The following PLD1 variants were observed in gnomAD, a reference collection of about 807,000 sequenced individuals.
PLD1 encodes choline phosphatase 1.
PLD1 carries 112 observed loss-of-function variants against 137.1 expected under a neutral mutation model. The observed-to-expected ratio is 0.82, with a 90% confidence interval of 0.70 to 0.96. The LOEUF is 0.96. Ranked by LOEUF, PLD1 falls within the 40% of genes least tolerant of loss-of-function variation. The probability of loss-of-function intolerance (pLI) is 0.00; values close to 1 mark genes in which losing one functional copy is unlikely to be tolerated. For missense variants in PLD1, 1,321 were observed against 1,342.0 expected (o/e 0.98, Z 0.24); for synonymous variants, 431 against 454.7 (o/e 0.95, Z 0.66).
intron 12 of PLD1, among the ~76,000 whole-genome samples, chr3:171,695,726 A>G (rs1174904918): frequency 1.3e-5 from 2 of 152,166 alleles, no homozygotes; most frequent in Admixed American, 6.5e-5. Flanking sequence ...CTGCCTGAAG[A>G]CAGTTTAGCC....
intron 3 of PLD1, 92 bp downstream of exon 3, chr3:171,737,440 G>A: frequency 9.2e-7 from 1 of 1,087,396 alleles, no homozygotes. Context: ...CTACAAACAT[G>A]ATCATAGCTA....
At chr3:171,779,079 C>T (rs1722688515) in intron 1 of PLD1, among the ~76,000 whole-genome samples, 1 of 152,274 alleles carries the variant, frequency 6.6e-6, no homozygotes, top group Middle Eastern at 3.4e-3. Flanking sequence ...ATCCCAGCTA[C>T]TCAGGAGGCT....
chr3:171,715,486 TG>T (rs1345511837), intron 8 of PLD1, among the ~76,000 whole-genome samples: 1 of 152,208 alleles, frequency 6.6e-6, no homozygotes, highest in Non-Finnish European at 1.5e-5. Context: ...ATTTTAGGAT[TG>T]TTTTTTCTAT....
At chr3:171,747,174 A>C (rs1009265682) in intron 1 of PLD1, among the ~76,000 whole-genome samples, 4 of 152,176 alleles carry the variant, frequency 2.6e-5, no homozygotes, top group African/African-American at 9.7e-5. Context: ...AACTCCGGAC[A>C]CACCATCTTT....
intron 6 of PLD1, among the ~76,000 whole-genome samples, chr3:171,730,256 AT>A (rs1049868970): frequency 3.3e-5 from 5 of 152,074 alleles, no homozygotes; most frequent in African/African-American, 4.8e-5. Flanking sequence ...AGATATTGCT[AT>A]TTTTTTACAT....
rs371080467 is a variant in PLD1, at chr3:171,609,507, AACACACACACACACAC to A, written c.2882+2756_2882+2771del. Among the ~76,000 whole-genome samples, 658 of 136,958 alleles carry A rather than the reference AACACACACACACACAC, an allele frequency of 4.8e-3. 2 individuals are homozygous for A. The highest frequency in any genetic ancestry group is 0.018 in the Middle Eastern group (5 of 280). 89.8% of individuals were successfully genotyped at this position (136,958 alleles called of 152,430 possible). On this transcript the variant is annotated intron_variant, in intron 25 of 26. Coordinates refer to ENST00000351298, the MANE Select transcript of PLD1 (RefSeq NM_002662.5). ...CCTGAGCAGACAATTACATAAAGAA[AACACACACACACACAC>A]ACACACACACACACACACACACACA...
At chr3:171,704,469 A>AAAAAAAAC (rs1716513075) in intron 11 of PLD1, among the ~76,000 whole-genome samples, 1 of 150,412 alleles carries the variant, frequency 6.6e-6, no homozygotes, top group Non-Finnish European at 1.5e-5. Flanking sequence ...AAAAAAAAAA[A>AAAAAAAAC]AAAAAAAACC....
intron 21 of PLD1, among the ~76,000 whole-genome samples, chr3:171,651,248 CT>C (rs1361580471): frequency 6.6e-6 from 1 of 152,056 alleles, no homozygotes; most frequent in African/African-American, 2.4e-5. Context: ...TCAAGAGCTG[CT>C]ATAAATCGTC....
intron 8 of PLD1, among the ~76,000 whole-genome samples, chr3:171,722,724 A>G (rs1718221412): frequency 6.6e-6 from 1 of 152,160 alleles, no homozygotes; most frequent in Admixed American, 6.5e-5. Context: ...TACCTTTTAA[A>G]AGTTCACAAT....
At chr3:171,686,607 A>G (rs773553140) in intron 16 of PLD1, 78 bp downstream of exon 16, 14 of 752,796 alleles carry the variant, frequency 1.9e-5, no homozygotes, top group Non-Finnish European at 2.9e-5. Flanking sequence ...CTGGAAACAC[A>G]TTCACTATGC....
intron 11 of PLD1, among the ~76,000 whole-genome samples, chr3:171,701,822 G>A (rs531849157): frequency 6.6e-5 from 10 of 152,126 alleles, no homozygotes; most frequent in Non-Finnish European, 1.0e-4. Flanking sequence ...AGGATGCATC[G>A]TTACTGCATG....
chr3:171,723,914 C>G (rs1024093360), intron 8 of PLD1, among the ~76,000 whole-genome samples: 12 of 152,082 alleles, frequency 7.9e-5, no homozygotes, highest in African/African-American at 2.9e-4. Flanking sequence ...TTTATCTCTT[C>G]ACTTTGTTGA....
At chr3:171,604,481 A>G (rs74336171) in intron 26 of PLD1, among the ~76,000 whole-genome samples, 25,957 of 151,912 alleles carry the variant, frequency 0.17, 2,362 homozygotes, top group South Asian at 0.24. Context: ...TGTCCCTGGA[A>G]GTCATGAAGA....
At chr3:171,687,334 G>A (rs745788832) in intron 15 of PLD1, 37 bp downstream of exon 15, 152 of 1,511,746 alleles carry the variant, frequency 1.0e-4, no homozygotes, top group Non-Finnish European at 1.6e-5. Context: ...AGAACAGTGG[G>A]TAGTTAAGAT....
intron 23 of PLD1, among the ~76,000 whole-genome samples, chr3:171,636,249 G>C (rs775683755): frequency 1.3e-5 from 2 of 151,654 alleles, no homozygotes; most frequent in Non-Finnish European, 2.9e-5. Context: ...AGATTGTTTT[G>C]GCAATGCTAA....
intron 19 of PLD1, chr3:171,666,384 C>G (rs928711878): frequency 6.6e-6 from 1 of 152,212 alleles, no homozygotes; most frequent in Non-Finnish European, 1.5e-5. Context: ...ACCATCAGAT[C>G]TCATGAGACT....
At chr3:171,654,283 A>T (rs1737017010) in intron 21 of PLD1, 1 of 232,500 alleles carries the variant, frequency 4.3e-6, no homozygotes, top group African/African-American at 2.5e-5. Flanking sequence ...AGCTTGGGTG[A>T]CAGAGCAAGA....
At chr3:171,631,397 C>T (rs556378707) in intron 23 of PLD1, among the ~76,000 whole-genome samples, 126 of 152,088 alleles carry the variant, frequency 8.3e-4, no homozygotes, top group Non-Finnish European at 1.4e-3. Flanking sequence ...AGAAGGAATC[C>T]TATGCTGTGG....
chr3:171,645,021 T>G lies in PLD1; in HGVS notation c.2432A>C (p.Glu811Ala). 1 of 1,604,148 alleles carries G rather than the reference T, an allele frequency of 6.2e-7. No individual in the cohort carries two copies. Among genetic ancestry groups the G allele is most frequent in the Non-Finnish European group, 8.5e-7 (1 of 1,170,900 alleles). The change falls in exon 22 of 27, where the codon GAA (glutamate) becomes GCA (alanine). Residue 811 changes from glutamate to alanine, a missense_variant and splice_region_variant. Physicochemically the swap from Glu to Ala is moderately radical, Grantham distance 107. Transcript: ENST00000351298. ...IAQRILKAHR[E>A]NQKYRVYVVI... The stretch of plus-strand genomic sequence containing the variant: ...GACATATACCCGGTATTTCTGGTTT[T>G]CCCTGCAAAGGTCAGATGCAGAGAA...
Sources: gnomAD v4.1 joint callset for allele counts (sites outside exome capture counted in the v4.1 genomes callset) on GRCh38, gnomAD v4.1.1 for gene constraint, MANE v1.5 for transcripts, NCBI Gene and HGNC (gene_info 2026-07-23, HGNC 2026-07-21) for gene names.